The following NEK5 variants were observed in gnomAD, a reference collection of about 807,000 sequenced individuals.
NEK5 encodes serine/threonine-protein kinase Nek5.
In NEK5, 88 loss-of-function variants were observed where a neutral mutation model predicts 109.2. The observed-to-expected ratio is 0.81, with a 90% CI of 0.68 to 0.96. The LOEUF (loss-of-function observed/expected upper bound fraction) is 0.96, where lower values mean the gene tolerates loss of function less well. NEK5 is among the 40% of genes least tolerant of loss of function. NEK5 has a pLI of 0.00. For synonymous variants in NEK5, 283 were observed against 299.9 expected, an observed-to-expected ratio of 0.94 and a Z score of 0.58; for missense variants, 834 against 920.7, an observed-to-expected ratio of 0.91 and a Z score of 1.22.
rs1956092845 is a variant in NEK5, at chr13:52,127,668, A to G, written c.-90-6T>C. 3.7e-6 allele frequency: 2 copies of G among 541,978 alleles called. No individual in the cohort carries two copies. The highest frequency in any genetic ancestry group is 3.8e-5 in the African/African-American group (2 of 52,036). 33.6% of individuals were successfully genotyped at this position (541,978 alleles called of 1,614,324 possible). On this transcript the variant is annotated splice_region_variant and splice_polypyrimidine_tract_variant and intron_variant, in intron 1 of 23. Coordinates refer to ENST00000684899, the MANE Select transcript of NEK5 (RefSeq NM_001365552.1). ...TTCTTTGTGGCCACAGATAACTGAA[A>G]TGAGACAGAGTTTCTTGGTCAGACA...
intron 15 of NEK5, among the ~76,000 whole-genome samples, chr13:52,086,737 A>C (rs1010689467): frequency 6.6e-6 from 1 of 152,224 alleles, no homozygotes; most frequent in Admixed American, 6.5e-5. Context: ...GGGTCGCTGC[A>C]GATGAGACTA....
intron 13 of NEK5, 59 bp from the exon 14 acceptor site, chr13:52,089,372 T>A: frequency 9.4e-7 from 1 of 1,063,724 alleles, no homozygotes; most frequent in South Asian, 1.4e-5. Flanking sequence ...AGGCACCAAT[T>A]TGACGAGTAA....
intron 22 of NEK5, among the ~76,000 whole-genome samples, chr13:52,057,510 G>T (rs1187435498): frequency 1.3e-5 from 2 of 152,096 alleles, no homozygotes; most frequent in Admixed American, 1.3e-4. Context: ...GAGAATTTTA[G>T]ACCAATATCC....
At chr13:52,099,695 G>GC in intron 12 of NEK5, 48 bp downstream of exon 12, 1 of 1,590,954 alleles carries the variant, frequency 6.3e-7, no homozygotes, top group Non-Finnish European at 8.6e-7. Flanking sequence ...CAAACAAAAA[G>GC]CATATACCAT....
intron 22 of NEK5, among the ~76,000 whole-genome samples, chr13:52,055,103 A>C (rs973019571): frequency 6.6e-6 from 1 of 151,992 alleles, no homozygotes; most frequent in African/African-American, 2.4e-5. Flanking sequence ...GAAGTGCTTA[A>C]AGGAGCTGAT....
At chr13:52,069,799 T>G (rs1030136565) in intron 20 of NEK5, among the ~76,000 whole-genome samples, 1 of 152,188 alleles carries the variant, frequency 6.6e-6, no homozygotes, top group African/African-American at 2.4e-5. Flanking sequence ...TGCCATCCTT[T>G]GCTCTGCAGC....
chr13:52,128,301 A>C (rs903106859), intron 1 of NEK5, among the ~76,000 whole-genome samples: 3 of 151,928 alleles, frequency 2.0e-5, no homozygotes, highest in Non-Finnish European at 2.9e-5. Context: ...CACGCGCTTC[A>C]CTGGCCACGC....
rs546048236 is a variant in NEK5 at position 52,124,864 on chromosome 13, T to C, written c.117+2502A>G. ...AGGTTTGGGGGCATGGCTGGAGCATTATCAAAATTGGGCTGGAGCCACTTG... is the reference window on the plus strand; with the variant it reads ...AGGTTTGGGGGCATGGCTGGAGCATCATCAAAATTGGGCTGGAGCCACTTG... On this transcript the variant is annotated intron_variant, in intron 3 of 23. Transcript: ENST00000684899. Among the ~76,000 whole-genome samples the C allele has an allele frequency of 8.9e-4, 136 of 152,266 alleles. 6 individuals carry two copies. The South Asian group carries it at 0.026, about 29-fold the overall frequency.
chr13:52,059,514 T>C (rs1284362956), intron 22 of NEK5, among the ~76,000 whole-genome samples: 1 of 147,270 alleles, frequency 6.8e-6, no homozygotes, highest in African/African-American at 2.5e-5. Flanking sequence ...CGTATGTTTA[T>C]TGAGGCATTA....
At chr13:52,093,585 T>G (rs1255555104) in intron 12 of NEK5, among the ~76,000 whole-genome samples, 1 of 152,038 alleles carries the variant, frequency 6.6e-6, no homozygotes, top group Non-Finnish European at 1.5e-5. Context: ...TAATACAAAT[T>G]TATAATACTT....
At chr13:52,085,453 C>T (rs1955123164) in intron 16 of NEK5, among the ~76,000 whole-genome samples, 1 of 152,186 alleles carries the variant, frequency 6.6e-6, no homozygotes, top group South Asian at 2.1e-4. Flanking sequence ...TTGCACCATA[C>T]ATTCATTTGA....
intron 8 of NEK5, among the ~76,000 whole-genome samples, chr13:52,106,577 C>T (rs1955660656): frequency 6.6e-6 from 1 of 152,002 alleles, no homozygotes; most frequent in South Asian, 2.1e-4. Context: ...ACCAGCCCGA[C>T]CAACATGGTG....
intron 22 of NEK5, 56 bp from the exon 23 acceptor site, chr13:52,050,277 G>C: frequency 1.8e-6 from 1 of 550,180 alleles, no homozygotes; most frequent in Non-Finnish European, 2.3e-6. Flanking sequence ...ACCCAATGAG[G>C]GGCATATACC....
chr13:52,058,689 A>G (rs1954584519), intron 22 of NEK5, among the ~76,000 whole-genome samples: 1 of 151,934 alleles, frequency 6.6e-6, no homozygotes, highest in African/African-American at 2.4e-5. Flanking sequence ...CCTGACAAAA[A>G]CAAGCAATGG....
At chr13:52,067,174 T>C (rs1323387044) in intron 20 of NEK5, among the ~76,000 whole-genome samples, 1 of 152,170 alleles carries the variant, frequency 6.6e-6, no homozygotes, top group African/African-American at 2.4e-5. Flanking sequence ...TTCTTCTTTT[T>C]CAAAATTTTT....
rs764540286 is a variant in NEK5, at chr13:52,102,108, T to C, written c.794A>G (p.Lys265Arg). The change falls in exon 10 of 24, where the codon AAA (lysine) becomes AGA (arginine). Residue 265 changes from lysine (K) to arginine (R), a missense_variant. By Grantham distance (26) the Lys-to-Arg change is conservative. Coordinates refer to ENST00000684899, the MANE Select transcript of NEK5 (RefSeq NM_001365552.1). ...AAAACTTACCTCAGGAGTCAAATATTTGGGAATAAGATTCTCTAAAAAGGG... is the reference window on the plus strand; with the variant it reads ...AAAACTTACCTCAGGAGTCAAATATCTGGGAATAAGATTCTCTAAAAAGGG... ...KRPFLENLIP[K>R]YLTPEVIQEE... 6 of 1,613,974 alleles carry C rather than the reference T, an allele frequency of 3.7e-6. No individual in the cohort carries two copies. The South Asian group carries it at 6.6e-5, about 18-fold the overall frequency.
At chr13:52,098,182 C>A (rs1273616805) in intron 12 of NEK5, among the ~76,000 whole-genome samples, 1 of 152,020 alleles carries the variant, frequency 6.6e-6, no homozygotes, top group Non-Finnish European at 1.5e-5. Context: ...AGTATGAGAA[C>A]AGACTAATAC....
chr13:52,041,623 G>A (rs1231699633), intron 23 of NEK5, among the ~76,000 whole-genome samples: 6 of 151,204 alleles, frequency 4.0e-5, no homozygotes, highest in African/African-American at 1.5e-4. Flanking sequence ...AGCTACTCAG[G>A]AGGCTGAGGC....
chr13:52,041,080 A>G (rs919813066), intron 23 of NEK5, among the ~76,000 whole-genome samples: 4 of 152,310 alleles, frequency 2.6e-5, no homozygotes, highest in East Asian at 3.9e-4. Context: ...AAGAGGCAGG[A>G]AAGGAAGAAA....
Sources: gnomAD v4.1 joint callset for allele counts (sites outside exome capture counted in the v4.1 genomes callset) on GRCh38, gnomAD v4.1.1 for gene constraint, MANE v1.5 for transcripts, NCBI Gene and HGNC (gene_info 2026-07-23, HGNC 2026-07-21) for gene names.